The following NAP1L1 variants were observed in gnomAD, a reference collection of about 807,000 sequenced individuals.
NAP1L1 encodes nucleosome assembly protein 1 like 1.
A neutral mutation model predicts 58.9 loss-of-function variants in NAP1L1; 9 were observed. The ratio of observed to expected loss-of-function variants is 0.15; its 90% CI spans 0.09 to 0.27. The LOEUF (loss-of-function observed/expected upper bound fraction) is 0.27, where lower values mean the gene tolerates loss of function less well. Among genes scored for constraint, NAP1L1 ranks in the 10% least tolerant of loss-of-function variants. NAP1L1 has a pLI of 1.00. For synonymous variants in NAP1L1, 130 were observed against 138.3 expected (o/e 0.94, Z 0.42); for missense variants, 302 against 458.8 (o/e 0.66, Z 3.12).
At chr12:76,057,338 C>T (rs1949157740) in intron 6 of NAP1L1, 1 of 358,982 alleles carries the variant, frequency 2.8e-6, no homozygotes, top group African/African-American at 2.1e-5. Flanking sequence ...TTTTTGAGTA[C>T]AGATGGTGGT....
intron 6 of NAP1L1, chr12:76,056,490 C>A: frequency 2.6e-6 from 1 of 389,454 alleles, no homozygotes; most frequent in Middle Eastern, 3.7e-4. Flanking sequence ...CATTGCCTCA[C>A]CCCATGGTGT....
At chr12:76,069,235 G>A (rs1429361056) in intron 2 of NAP1L1, among the ~76,000 whole-genome samples, 4 of 152,110 alleles carry the variant, frequency 2.6e-5, no homozygotes, top group Non-Finnish European at 4.4e-5. Flanking sequence ...TTATAAAATT[G>A]GTTTTGCAGG....
chr12:76,051,617 C>T lies in NAP1L1; in HGVS notation c.937-964G>A, dbSNP rs183867544. On this transcript the variant is annotated intron_variant, in intron 11 of 14. Coordinates refer to ENST00000618691, the MANE Select transcript of NAP1L1 (RefSeq NM_004537.7). The stretch of plus-strand genomic sequence containing the variant: ...TGGCCTCAAGTGATCCTTCCACCTC[C>T]GCCACCAGAGCAGCTGGGACTACAG... 9.9e-3 allele frequency among the ~76,000 whole-genome samples: 1,500 copies of T among 152,232 alleles called. 12 individuals carry two copies. The highest frequency in any genetic ancestry group is 0.016 in the Non-Finnish European group (1,119 of 68,014).
chr12:76,072,293 TG>T, intron 2 of NAP1L1, among the ~76,000 whole-genome samples: 1 of 141,480 alleles, frequency 7.1e-6, no homozygotes, highest in South Asian at 2.2e-4. Context: ...AAGAAGAGGA[TG>T]CTATTTAAAA....
intron 6 of NAP1L1, chr12:76,057,591 G>T (rs1319896514): frequency 3.1e-5 from 33 of 1,078,888 alleles, no homozygotes; most frequent in Middle Eastern, 2.9e-4. Context: ...GAGACCCAAG[G>T]AACAGAGCCA....
At chr12:76,080,448 T>C (rs1018919353) in intron 1 of NAP1L1, among the ~76,000 whole-genome samples, 1 of 152,264 alleles carries the variant, frequency 6.6e-6, no homozygotes, top group African/African-American at 2.4e-5. Context: ...CAACATGCTA[T>C]ACAGGTTTGT....
intron 1 of NAP1L1, among the ~76,000 whole-genome samples, chr12:76,075,035 T>C (rs1950117494): frequency 6.6e-6 from 1 of 152,192 alleles, no homozygotes; most frequent in Non-Finnish European, 1.5e-5. Context: ...TGGAGAATAC[T>C]GCTTTTGGAA....
In NAP1L1 at chr12:76,053,925, A is replaced by G. The variant is rs1948954646; in HGVS notation, c.631-16T>C. ...AGACAAAACTCTGGGGAGAGGAAGC[A>G]TAAAAATCAGTTAAATACCTACCTC... On this transcript the variant is annotated splice_polypyrimidine_tract_variant and intron_variant, in intron 8 of 14. Transcript: ENST00000618691. The G allele has an allele frequency of 1.3e-6, 2 of 1,592,024 alleles. No individual in the cohort carries two copies. Among genetic ancestry groups the G allele is most frequent in the African/African-American group, 2.7e-5 (2 of 73,036 alleles).
chr12:76,078,453 C>T (rs1950281438), intron 1 of NAP1L1, among the ~76,000 whole-genome samples: 1 of 152,108 alleles, frequency 6.6e-6, no homozygotes, highest in African/African-American at 2.4e-5. Context: ...AAGTAATTTT[C>T]ACAGCCAACA....
intron 2 of NAP1L1, among the ~76,000 whole-genome samples, chr12:76,070,452 A>T (rs781302652): frequency 2.6e-5 from 4 of 152,180 alleles, no homozygotes; most frequent in Non-Finnish European, 5.9e-5. Flanking sequence ...TAAGTGTTTG[A>T]TAAGTGTACA....
In NAP1L1 at chr12:76,037,880, T is replaced by A. The variant is rs1312172709; in HGVS notation, c.*10549A>T. 3.3e-5 allele frequency: 5 copies of A among 152,226 alleles called. No individual in the cohort carries two copies. The highest frequency in any genetic ancestry group is 4.4e-5 in the Non-Finnish European group (3 of 68,036). The allele number at this position is 152,226 out of a possible 1,614,324, so 9.4% of individuals were successfully genotyped here. A position where few individuals can be genotyped will look rare whatever the true frequency, so the allele number is the denominator to read the frequency against. On this transcript the variant is annotated 3_prime_UTR_variant, in exon 15 of 15. Coordinates refer to ENST00000618691, the MANE Select transcript of NAP1L1 (RefSeq NM_004537.7). Reference sequence around the variant, plus strand: ...CCATTGTACCTAACGGAGAGCTGATTGACAGCACTTAAACTGAGGGGAAAT... The same window carrying A: ...CCATTGTACCTAACGGAGAGCTGATAGACAGCACTTAAACTGAGGGGAAAT...
intron 4 of NAP1L1, among the ~76,000 whole-genome samples, chr12:76,064,000 C>T (rs1949542742): frequency 6.6e-6 from 1 of 151,394 alleles, no homozygotes; most frequent in African/African-American, 2.4e-5. Context: ...ATAGGGAGAC[C>T]CCCATCTCTA....
rs1948553666 is a variant in NAP1L1 at position 76,041,757 on chromosome 12, G to A, written c.*6672C>T. 6.6e-6 allele frequency: 1 copy of A among 152,150 alleles called. No homozygotes were observed. Among genetic ancestry groups the A allele is most frequent in the Admixed American group, 6.5e-5 (1 of 15,274 alleles). The allele number at this position is 152,150 out of a possible 1,614,324, so 9.4% of individuals were successfully genotyped here. ...AACTTTGTTGACTGGCCTAATCCAAGTCTAAAATCACATCTGATCTCAAGA... is the reference window on the plus strand; with the variant it reads ...AACTTTGTTGACTGGCCTAATCCAAATCTAAAATCACATCTGATCTCAAGA... On this transcript the variant is annotated 3_prime_UTR_variant, in exon 15 of 15. Transcript: ENST00000618691.
chr12:76,078,322 C>T (rs1455682803), intron 1 of NAP1L1, among the ~76,000 whole-genome samples: 1 of 152,148 alleles, frequency 6.6e-6, no homozygotes, highest in East Asian at 1.9e-4. Flanking sequence ...AAATTTACCT[C>T]ATCTGTATTG....
rs745656779 is a variant in NAP1L1, at chr12:76,053,362, A to G, written c.771-12T>C. 2 of 1,603,820 alleles carry G rather than the reference A, an allele frequency of 1.2e-6. No individual in the cohort carries two copies. Among genetic ancestry groups the G allele is most frequent in the African/African-American group, 2.7e-5 (2 of 74,274 alleles). ...AATCTATCTGGCACCTTGCAAAACA[A>G]AGAAGAAAAATCTATTACAATTGAC... On this transcript the variant is annotated splice_polypyrimidine_tract_variant and intron_variant, in intron 9 of 14. Transcript: ENST00000618691.
chr12:76,047,210 T>G lies in NAP1L1; in HGVS notation c.*1219A>C, dbSNP rs1336843137. The G allele has an allele frequency of 6.6e-6, 1 of 152,426 alleles. No homozygotes were observed. The highest frequency in any genetic ancestry group is 1.5e-5 in the Non-Finnish European group (1 of 67,910). 9.4% of individuals were successfully genotyped at this position (152,426 alleles called of 1,614,324 possible). Reference sequence around the variant, plus strand: ...ATATGAGATTTAACTCAATATGCCTTAACACATCCATGAGGTAGTTAGGTA... The same window carrying G: ...ATATGAGATTTAACTCAATATGCCTGAACACATCCATGAGGTAGTTAGGTA... On this transcript the variant is annotated 3_prime_UTR_variant, in exon 15 of 15. Transcript: ENST00000618691.
intron 3 of NAP1L1, 127 bp downstream of exon 3, chr12:76,068,777 CACTAG>C: frequency 1.5e-5 from 10 of 646,700 alleles, no homozygotes; most frequent in Non-Finnish European, 2.8e-5. Context: ...CACACACACA[CACTAG>C]AAGTATGGAC....
chr12:76,082,734 G>A (rs1414483140), intron 1 of NAP1L1, among the ~76,000 whole-genome samples: 2 of 152,096 alleles, frequency 1.3e-5, no homozygotes, highest in Non-Finnish European at 2.9e-5. Context: ...AACTGTAAAA[G>A]TCATTTACTT....
At chr12:76,054,782 C>T (rs1949001935) in intron 8 of NAP1L1, among the ~76,000 whole-genome samples, 1 of 152,104 alleles carries the variant, frequency 6.6e-6, no homozygotes, top group African/African-American at 2.4e-5. Flanking sequence ...ATTCATGTTC[C>T]CTTGGCATTA....
Sources: allele counts gnomAD v4.1 joint callset (sites outside exome capture counted in the v4.1 genomes callset), GRCh38; gene constraint gnomAD v4.1.1; transcripts MANE v1.5; gene names NCBI Gene and HGNC (gene_info 2026-07-23, HGNC 2026-07-21).